Variants in ROS1 observed in about 807,000 individuals in gnomAD.
The protein encoded by ROS1 is proto-oncogene tyrosine-protein kinase ROS.
Under a neutral mutation model 273.5 loss-of-function variants are expected in ROS1, and 263 were observed. The ratio of observed to expected loss-of-function variants is 0.96; its 90% confidence interval spans 0.87 to 1.06. The LOEUF is 1.06. ROS1 is among the 50% of genes least tolerant of loss of function. The pLI is 0.00. For missense variants in ROS1, 2,833 were observed against 2,751.1 expected, an observed-to-expected ratio of 1.03 and a Z score of -0.67; for synonymous variants, 1,008 against 954.1, an observed-to-expected ratio of 1.06 and a Z score of -1.04.
intron 33 of ROS1, chr6:117,328,429 T>A (rs2128589809): frequency 3.3e-6 from 1 of 300,856 alleles, no homozygotes; most frequent in Non-Finnish European, 6.3e-6. Flanking sequence ...GTTCTGCAGG[T>A]TAGAATGTAT....
At position 117,403,263 on chromosome 6, in the gene ROS1, C is replaced by T. The variant is rs777706763; in HGVS notation, c.480G>A (p.Pro160=). 19 of 1,611,616 alleles carry T rather than the reference C, an allele frequency of 1.2e-5. No individual in the cohort carries two copies. Among genetic ancestry groups the T allele is most frequent in the African/African-American group, 2.7e-5 (2 of 74,684 alleles). The change falls in exon 7 of 44, where the codon CCG becomes CCA. Residue 160 remains proline, a synonymous_variant. Transcript: ENST00000368507. ...SWTYTKTVSR[P]SYVVKPLHPF... is the part of the protein sequence containing the mutation. ...GGTGCAGGGGCTTGACCACATAGGA[C>T]GGTCTGGACACAGTCTAGATCAAGG... is the stretch of plus-strand genomic sequence containing the variant.
intron 18 of ROS1, among the ~76,000 whole-genome samples, chr6:117,369,401 G>A (rs181218717): frequency 2.1e-4 from 32 of 152,182 alleles, no homozygotes; most frequent in African/African-American, 7.5e-4. Flanking sequence ...GTGAAACACC[G>A]TCTCTACTAA....
At chr6:117,338,464 T>C (rs1777640956) in intron 31 of ROS1, among the ~76,000 whole-genome samples, 1 of 151,404 alleles carries the variant, frequency 6.6e-6, no homozygotes, top group African/African-American at 2.4e-5. Context: ...TTTAGCTTAA[T>C]AGCTTAATGA....
At chr6:117,412,605 CAGATAGATAGATAGAT>C (rs3836982) in intron 4 of ROS1, among the ~76,000 whole-genome samples, 3 of 151,264 alleles carry the variant, frequency 2.0e-5, no homozygotes, top group South Asian at 4.2e-4. Context: ...GATAGATAGA[CAGATAGATAGATAGAT>C]AGATAGATAG....
intron 1 of ROS1, among the ~76,000 whole-genome samples, chr6:117,423,487 T>C (rs771125697): frequency 6.6e-6 from 1 of 152,226 alleles, no homozygotes; most frequent in Non-Finnish European, 1.5e-5. Flanking sequence ...ACTAGAGTTC[T>C]GAAGAGCATT....
At chr6:117,353,297 AC>A (rs1476465335) in intron 26 of ROS1, 131 bp from the exon 27 acceptor site, 19 of 648,638 alleles carry the variant, frequency 2.9e-5, no homozygotes, top group Admixed American at 9.7e-5. Flanking sequence ...ATTAAAAAAT[AC>A]CTTTATTTTA....
Position 117,366,155 on chromosome 6 carries a change from C to T in ROS1, c.2718G>A (p.Gln906=), listed in dbSNP as rs1208374183. The change falls in exon 19 of 44, where the codon CAG becomes CAA. Residue 906 remains glutamine, a synonymous_variant. Coordinates refer to ENST00000368507, the MANE Select transcript of ROS1 (RefSeq NM_001378902.1). ...FRIITTQEIG[Q]KTSVSVLEPA... is the part of the protein sequence containing the mutation. ...GTTCCAAAACAGAGACACTGGTTTT[C>T]TGACCTATTTCTTGAGTTGTGATAA... The T allele has an allele frequency of 1.2e-6, 2 of 1,614,128 alleles. No individual in the cohort carries two copies. Among genetic ancestry groups the T allele is most frequent in the Non-Finnish European group, 1.7e-6 (2 of 1,179,994 alleles).
At chr6:117,328,937 A>T in intron 33 of ROS1, 4 of 601,964 alleles carry the variant, frequency 6.6e-6, no homozygotes, top group South Asian at 5.6e-5. Context: ...CTTCATCACC[A>T]TTTCTCACTA....
At position 117,394,734 on chromosome 6, in the gene ROS1, T is replaced by C. The variant is rs1220433220; in HGVS notation, c.888A>G (p.Gln296=). Reference sequence around the variant, plus strand: ...ATAAAAAGAGCCACTGTTCCTCTTGTTGAACTGAAAAAAACAACACAATTT... The same window carrying C: ...ATAAAAAGAGCCACTGTTCCTCTTGCTGAACTGAAAAAAACAACACAATTT... ...SSITTSSSAV[Q]QEEQWLFLSR... The change falls in exon 10 of 44, where the codon CAA becomes CAG. Residue 296 remains glutamine, a synonymous_variant. Coordinates refer to ENST00000368507, the MANE Select transcript of ROS1 (RefSeq NM_001378902.1). The C allele has an allele frequency of 1.2e-6, 2 of 1,606,758 alleles. No homozygotes were observed. The highest frequency in any genetic ancestry group is 1.7e-5 in the Admixed American group (1 of 58,202).
At chr6:117,309,053 T>A in intron 41 of ROS1, 125 bp from the exon 42 acceptor site, 1 of 840,942 alleles carries the variant, frequency 1.2e-6, no homozygotes, top group African/African-American at 1.7e-5. Flanking sequence ...ATTGGCCTCA[T>A]AAAAGGCAAA....
At chr6:117,310,000 A>G in intron 41 of ROS1, 81 bp downstream of exon 41, 1 of 1,258,022 alleles carries the variant, frequency 7.9e-7, no homozygotes, top group South Asian at 1.3e-5. Flanking sequence ...ACATTAAAAA[A>G]GCAAGATTAG....
At chr6:117,294,781 C>T (rs2128527648) in intron 43 of ROS1, among the ~76,000 whole-genome samples, 1 of 152,148 alleles carries the variant, frequency 6.6e-6, no homozygotes, top group Non-Finnish European at 1.5e-5. Flanking sequence ...ACAAGGGAAA[C>T]TACAAAACAC....
intron 39 of ROS1, among the ~76,000 whole-genome samples, chr6:117,311,634 T>C (rs1775557392): frequency 6.6e-6 from 1 of 152,162 alleles, no homozygotes; most frequent in Non-Finnish European, 1.5e-5. Context: ...CCAATGGCAC[T>C]CTGTCTTGCC....
At chr6:117,344,365 T>C in intron 27 of ROS1, 103 bp from the exon 28 acceptor site, 1 of 745,510 alleles carries the variant, frequency 1.3e-6, no homozygotes, top group Non-Finnish European at 2.2e-6. Context: ...AAGAAATTTG[T>C]AGAGCATACA....
intron 27 of ROS1, among the ~76,000 whole-genome samples, chr6:117,347,711 T>TTATACATGTTCTTTCTCAAG (rs2128630943): frequency 6.6e-6 from 1 of 152,064 alleles, no homozygotes; most frequent in East Asian, 1.9e-4. Flanking sequence ...ACAAGTTTTT[T>TTATACATGTTCTTTCTCAAG]TATACATGTT....
At chr6:117,415,860 T>G (rs899250888) in intron 3 of ROS1, among the ~76,000 whole-genome samples, 5 of 152,178 alleles carry the variant, frequency 3.3e-5, no homozygotes, top group African/African-American at 4.8e-5. Context: ...GTGCAGAATC[T>G]CAGGCTCCAC....
In ROS1 at chr6:117,398,233, C is replaced by T. The variant is rs62430839; in HGVS notation, c.605-1117G>A. Among the ~76,000 whole-genome samples, 323 of 152,138 alleles carry T rather than the reference C, an allele frequency of 2.1e-3. 3 individuals are homozygous for T. Among genetic ancestry groups the T allele is most frequent in the South Asian group, 2.7e-3 (13 of 4,806 alleles). ...ACCATTGAAGCAAGTTAAATGTCACCTACATGGCAAGATGCGATCATTGTC... is the reference window on the plus strand; with the variant it reads ...ACCATTGAAGCAAGTTAAATGTCACTTACATGGCAAGATGCGATCATTGTC... On this transcript the variant is annotated intron_variant, in intron 7 of 43. Coordinates refer to ENST00000368507, the MANE Select transcript of ROS1 (RefSeq NM_001378902.1).
chr6:117,398,286 A>G (rs1306084271), intron 7 of ROS1, among the ~76,000 whole-genome samples: 1 of 152,074 alleles, frequency 6.6e-6, no homozygotes, highest in Non-Finnish European at 1.5e-5. Flanking sequence ...AAAAAAAACA[A>G]CAACACAAAA....
chr6:117,306,518 C>A (rs1488731131), intron 42 of ROS1, among the ~76,000 whole-genome samples: 2 of 152,130 alleles, frequency 1.3e-5, no homozygotes. Context: ...GGCTTTCTAT[C>A]GTACATCTCA....
Sources: allele counts gnomAD v4.1 joint callset (sites outside exome capture counted in the v4.1 genomes callset), GRCh38; gene constraint gnomAD v4.1.1; transcripts MANE v1.5; gene names NCBI Gene and HGNC (gene_info 2026-07-23, HGNC 2026-07-21).